MIA2: variants seen among roughly 807,000 people sequenced by gnomAD.
MIA2 encodes the protein melanoma inhibitory activity protein 2.
In MIA2, 127 loss-of-function variants were observed where a neutral mutation model predicts 167.8. The ratio of observed to expected loss-of-function variants is 0.76; its 90% CI spans 0.66 to 0.88. MIA2 has a LOEUF of 0.88. MIA2 is among the 40% of genes least tolerant of loss of function. MIA2 has a pLI of 0.00. For synonymous variants in MIA2, 552 were observed against 541.9 expected (o/e 1.02, Z -0.26); for missense variants, 1,690 against 1,624.7 (o/e 1.04, Z -0.69).
intron 24 of MIA2, among the ~76,000 whole-genome samples, chr14:39,325,170 C>T (rs2067230819): frequency 6.6e-6 from 1 of 151,748 alleles, no homozygotes; most frequent in Admixed American, 6.6e-5. Flanking sequence ...TTGCAGTGAG[C>T]TGAGAATCGC....
At chr14:39,314,711 T>C (rs1267262668) in intron 19 of MIA2, 28 bp from the exon 20 acceptor site, 1 of 1,575,860 alleles carries the variant, frequency 6.3e-7, no homozygotes, top group East Asian at 2.3e-5. Context: ...TATATGTTAA[T>C]AGTAGAATAA....
chr14:39,264,125 G>C (rs2055296982), intron 6 of MIA2, among the ~76,000 whole-genome samples: 1 of 152,070 alleles, frequency 6.6e-6, no homozygotes, highest in South Asian at 2.1e-4. Context: ...TGAGTCCCTA[G>C]TGTTTATTTT....
rs2065298439 is a variant in MIA2 at position 39,315,785 on chromosome 14, T to C, written c.3216+67T>C. The C allele has an allele frequency of 2.7e-5, 28 of 1,055,438 alleles. 1 individual carries two copies. The South Asian group carries it at 4.4e-4, about 17-fold the overall frequency. The allele number at this position is 1,055,438 out of a possible 1,614,324, so 65.4% of individuals were successfully genotyped here. On this transcript the variant is annotated intron_variant, in intron 21 of 28. Coordinates refer to ENST00000640607, the MANE Select transcript of MIA2 (RefSeq NM_001329214.4). ...TGTTTTTTTCAGAAGATACGTTGTT[T>C]ATTTAAATTAGATGAAAATAAATAT...
At chr14:39,269,902 A>G (rs1041423674) in intron 6 of MIA2, among the ~76,000 whole-genome samples, 1 of 152,226 alleles carries the variant, frequency 6.6e-6, no homozygotes, top group Non-Finnish European at 1.5e-5. Flanking sequence ...CATATGGATT[A>G]TTAATACTTT....
intron 23 of MIA2, chr14:39,386,719 A>C: frequency 7.5e-7 from 1 of 1,332,302 alleles, no homozygotes; most frequent in African/African-American, 1.5e-5. Context: ...TGCTTCTTTG[A>C]ATATTTGTAA....
Position 39,277,776 on chromosome 14 carries a change from A to ATATATATATATATATATATATATATT in MIA2, c.2019+716_2019+717insATATATATATATATATATATTTATAT, listed in dbSNP as rs1555358832. Among the ~76,000 whole-genome samples, 40 of 35,758 alleles carry ATATATATATATATATATATATATATT rather than the reference A, an allele frequency of 1.1e-3. 8 individuals are homozygous for ATATATATATATATATATATATATATT. The highest frequency in any genetic ancestry group is 8.5e-3 in the South Asian group (7 of 828). 23.5% of individuals were successfully genotyped at this position (35,758 alleles called of 152,430 possible). On this transcript the variant is annotated intron_variant, in intron 7 of 28. Coordinates refer to ENST00000640607, the MANE Select transcript of MIA2 (RefSeq NM_001329214.4). ...TATATATATATATATATATATATAT[A>ATATATATATATATATATATATATATT]TATATTTATATTTAAAGAGATGGGG...
intron 13 of MIA2, among the ~76,000 whole-genome samples, chr14:39,295,810 G>A (rs577015840): frequency 6.6e-6 from 1 of 152,156 alleles, no homozygotes; most frequent in South Asian, 2.1e-4. Flanking sequence ...CGCCTGCCTC[G>A]GCCTCCTAAA....
At chr14:39,273,076 T>C (rs913532869) in intron 6 of MIA2, among the ~76,000 whole-genome samples, 1 of 152,162 alleles carries the variant, frequency 6.6e-6, no homozygotes, top group Non-Finnish European at 1.5e-5. Flanking sequence ...GTGTATAGAA[T>C]AGCATTATGT....
intron 25 of MIA2, among the ~76,000 whole-genome samples, chr14:39,341,183 T>C (rs893960619): frequency 2.6e-5 from 4 of 152,058 alleles, no homozygotes; most frequent in Admixed American, 2.6e-4. Context: ...GCGCCTGTAG[T>C]CCCAGCTGCT....
chr14:39,257,759 G>A (rs759958062), intron 6 of MIA2, among the ~76,000 whole-genome samples: 4 of 152,146 alleles, frequency 2.6e-5, no homozygotes, highest in Non-Finnish European at 4.4e-5. Flanking sequence ...TCTTTCAGGA[G>A]CCCTTGTAAG....
At chr14:39,299,068 T>TAAAAAAAA (rs3065043) in intron 13 of MIA2, among the ~76,000 whole-genome samples, 4 of 44,024 alleles carry the variant, frequency 9.1e-5, no homozygotes, top group African/African-American at 3.3e-4. Flanking sequence ...TCCCTGCCTC[T>TAAAAAAAA]AAAAAAAAAA....
intron 6 of MIA2, chr14:39,266,890 C>T (rs1010478611): frequency 4.2e-6 from 3 of 721,366 alleles, no homozygotes; most frequent in African/African-American, 1.9e-5. Flanking sequence ...CTCGCCGCCG[C>T]CGCCACCGCG....
intron 6 of MIA2, chr14:39,267,383 CTG>C: frequency 6.2e-7 from 1 of 1,603,232 alleles, no homozygotes; most frequent in Admixed American, 1.7e-5. Context: ...GGACCGAAGG[CTG>C]TGTGTTCTCC....
chr14:39,341,974 CAG>C lies in MIA2; in HGVS notation c.3656-3928_3656-3927del, dbSNP rs139632295. Among the ~76,000 whole-genome samples the C allele has an allele frequency of 8.7e-3, 1,318 of 152,032 alleles. 11 individuals are homozygous for C. The highest frequency in any genetic ancestry group is 0.029 in the African/African-American group (1,209 of 41,458). ...TTTTACAGATGAAGAAACAAAACCA[CAG>C]AAAGGTTGGGTAACTTGGTGAACAA... On this transcript the variant is annotated intron_variant, in intron 25 of 28. Coordinates refer to ENST00000640607, the MANE Select transcript of MIA2 (RefSeq NM_001329214.4).
At chr14:39,314,401 T>A (rs79475881) in intron 19 of MIA2, among the ~76,000 whole-genome samples, 29,809 of 135,770 alleles carry the variant, frequency 0.22, 3,001 homozygotes, top group Middle Eastern at 0.3. Context: ...AAAAAAAAAA[T>A]GACCAACATC....
chr14:39,266,179 G>A, intron 6 of MIA2: 1 of 985,400 alleles, frequency 1.0e-6, no homozygotes, highest in East Asian at 1.1e-4. Flanking sequence ...GGAAGTATCT[G>A]CTCCTTTTTG....
chr14:39,257,090 T>C (rs959421917), intron 6 of MIA2, among the ~76,000 whole-genome samples: 1 of 152,180 alleles, frequency 6.6e-6, no homozygotes. Flanking sequence ...TCTGTAGATG[T>C]CTATTAGGTC....
At chr14:39,311,856 G>A (rs1322220922) in intron 18 of MIA2, among the ~76,000 whole-genome samples, 17 of 148,366 alleles carry the variant, frequency 1.1e-4, no homozygotes, top group African/African-American at 4.2e-4. Context: ...TTGAGATAGA[G>A]TCTAGCTCTG....
chr14:39,283,274 A>G (rs2059199248), intron 9 of MIA2, among the ~76,000 whole-genome samples: 1 of 152,188 alleles, frequency 6.6e-6, no homozygotes, highest in African/African-American at 2.4e-5. Flanking sequence ...TTTGCTGGAT[A>G]TAGTAGCTCT....
Sources: allele counts gnomAD v4.1 joint callset (sites outside exome capture counted in the v4.1 genomes callset), GRCh38; gene constraint gnomAD v4.1.1; transcripts MANE v1.5; gene names NCBI Gene and HGNC (gene_info 2026-07-23, HGNC 2026-07-21).